The following MBP variants were observed in gnomAD, a reference collection of about 807,000 sequenced individuals.
MBP encodes myelin basic protein.
Under a neutral mutation model 35.8 loss-of-function variants are expected in MBP, and 16 were observed. That is an observed-to-expected ratio of 0.45 (90% confidence interval 0.30 to 0.68). MBP has a LOEUF of 0.68. Ranked by LOEUF, MBP falls within the 30% of genes least tolerant of loss-of-function variation. The pLI is 0.08. For missense variants in MBP, 380 were observed against 404.7 expected (o/e 0.94, Z 0.52); for synonymous variants, 143 against 159.6 (o/e 0.90, Z 0.78).
chr18:77,052,652 T>C (rs1231558901), intron 3 of MBP, among the ~76,000 whole-genome samples: 2 of 152,188 alleles, frequency 1.3e-5, no homozygotes, highest in African/African-American at 4.8e-5. Context: ...GCTCACTGTA[T>C]ATCCCGGCAA....
intron 2 of MBP, among the ~76,000 whole-genome samples, chr18:77,084,465 A>ACG (rs1568331836): frequency 2.7e-5 from 4 of 149,080 alleles, no homozygotes; most frequent in African/African-American, 9.9e-5. Flanking sequence ...ACACACACAC[A>ACG]CACACACTTC....
intron 3 of MBP, among the ~76,000 whole-genome samples, chr18:77,037,208 G>A (rs1972811510): frequency 6.7e-6 from 1 of 149,850 alleles, no homozygotes; most frequent in South Asian, 2.1e-4. Context: ...ACAGAGCTGA[G>A]CAAGTGCTGG....
At chr18:77,016,078 T>A (rs1045624412) in intron 4 of MBP, 6 of 985,124 alleles carry the variant, frequency 6.1e-6, no homozygotes, top group South Asian at 9.4e-5. Flanking sequence ...AGCGCTTTGA[T>A]GAACCAGCAG....
At chr18:77,052,832 C>T (rs1200939747) in intron 3 of MBP, among the ~76,000 whole-genome samples, 1 of 152,298 alleles carries the variant, frequency 6.6e-6, no homozygotes, top group Admixed American at 6.5e-5. Flanking sequence ...CCACTCCTCT[C>T]CACTCAGCAG....
At chr18:77,071,675 C>A (rs1289710865) in intron 2 of MBP, among the ~76,000 whole-genome samples, 2 of 152,138 alleles carry the variant, frequency 1.3e-5, no homozygotes, top group Admixed American at 6.5e-5. Context: ...CAGTACCTTG[C>A]CACTCACCCA....
chr18:77,059,511 AATT>A (rs201892435), intron 3 of MBP, among the ~76,000 whole-genome samples: 5,870 of 147,636 alleles, frequency 0.04, 159 homozygotes, highest in Middle Eastern at 0.06. Context: ...TAATGATAAT[AATT>A]TAACCTTAAT....
intron 7 of MBP, chr18:76,985,480 C>G (rs1182477154): frequency 8.4e-7 from 1 of 1,185,304 alleles, no homozygotes; most frequent in Non-Finnish European, 1.1e-6. Context: ...AGCCTCGTAT[C>G]TTTTATAAGG....
Position 77,055,990 on chromosome 18 carries a change from C to T in MBP, c.139+10308G>A, listed in dbSNP as rs529204359. Among the ~76,000 whole-genome samples, 78 of 152,382 alleles carry T rather than the reference C, an allele frequency of 5.1e-4. 1 individual carries two copies. The highest frequency in any genetic ancestry group is 3.4e-4 in the Non-Finnish European group (23 of 68,044). On this transcript the variant is annotated intron_variant, in intron 3 of 8. Coordinates refer to ENST00000355994, the MANE Select transcript of MBP (RefSeq NM_001025101.2). ...CTCCCCCTCCCCGACTCCTCTTACA[C>T]ATCCCTGTGGCTCTGTGGTGTCACG...
intron 4 of MBP, among the ~76,000 whole-genome samples, chr18:76,991,553 T>C (rs1349504394): frequency 6.6e-6 from 1 of 151,940 alleles, no homozygotes; most frequent in African/African-American, 2.4e-5. Context: ...TGATTGTGAG[T>C]TCTCAGAAAA....
rs1969686703 is a variant in MBP at position 76,988,371 on chromosome 18, A to C, written c.750+124T>G. 2 of 1,612,920 alleles carry C rather than the reference A, an allele frequency of 1.2e-6. No individual in the cohort carries two copies. Among genetic ancestry groups the C allele is most frequent in the East Asian group, 4.5e-5 (2 of 44,838 alleles). On this transcript the variant is annotated intron_variant, in intron 7 of 8. Coordinates refer to ENST00000355994, the MANE Select transcript of MBP (RefSeq NM_001025101.2). This position sits in a 1 kb window ranked among gnomAD's most constrained non-coding sequence, Gnocchi z 5.2. ...GCGGCCCGATCCCAGCTGTGGGCAG[A>C]GAGGTCTCGAGAGGAGAGAAAAGGA...
At chr18:77,029,793 AACACAC>A (rs754016352) in intron 3 of MBP, among the ~76,000 whole-genome samples, 1 of 150,424 alleles carries the variant, frequency 6.6e-6, no homozygotes, top group Non-Finnish European at 1.5e-5. Flanking sequence ...CACACACACA[AACACAC>A]ACACACACAC....
intron 2 of MBP, among the ~76,000 whole-genome samples, chr18:77,073,938 A>G (rs1337139220): frequency 6.7e-6 from 1 of 148,244 alleles, no homozygotes; most frequent in Non-Finnish European, 1.5e-5. Context: ...ATCGGAAACG[A>G]AATGAGATAG....
intron 2 of MBP, among the ~76,000 whole-genome samples, chr18:77,073,153 G>A (rs1974517527): frequency 6.6e-6 from 1 of 152,220 alleles, no homozygotes; most frequent in Non-Finnish European, 1.5e-5. Context: ...ATATCAGGTA[G>A]AGGTTAACTG....
intron 1 of MBP, among the ~76,000 whole-genome samples, chr18:77,125,148 C>T (rs995849548): frequency 4.6e-5 from 7 of 152,186 alleles, no homozygotes; most frequent in South Asian, 2.1e-4. Flanking sequence ...TCCTCTCCTT[C>T]GCCTTCCTTG....
At chr18:77,071,365 G>A (rs1373127096) in intron 2 of MBP, among the ~76,000 whole-genome samples, 2 of 151,816 alleles carry the variant, frequency 1.3e-5, no homozygotes, top group Non-Finnish European at 2.9e-5. Flanking sequence ...CTTAAAAAAT[G>A]CTGCATTTCC....
intron 3 of MBP, among the ~76,000 whole-genome samples, chr18:77,063,447 C>T (rs1974067597): frequency 6.6e-6 from 1 of 152,178 alleles, no homozygotes; most frequent in Admixed American, 6.5e-5. Flanking sequence ...CCACTTCCCC[C>T]TTGGTTTTGA....
At chr18:76,996,102 A>G (rs1970252615) in intron 4 of MBP, among the ~76,000 whole-genome samples, 1 of 152,224 alleles carries the variant, frequency 6.6e-6, no homozygotes, top group Admixed American at 6.5e-5. Context: ...CAGCATCATC[A>G]TTAGCATCAG....
intron 3 of MBP, among the ~76,000 whole-genome samples, chr18:77,057,040 G>A (rs8091396): frequency 0.096 from 14,670 of 152,186 alleles, 992 homozygotes; most frequent in African/African-American, 0.19. Context: ...CGGGAAGGAG[G>A]CATGTCCCCC....
intron 2 of MBP, among the ~76,000 whole-genome samples, chr18:77,103,565 C>T (rs1382623304): frequency 1.3e-5 from 2 of 152,228 alleles, no homozygotes; most frequent in Non-Finnish European, 2.9e-5. Context: ...TTCATAATCT[C>T]TTCCCTCTCC....
Sources: gnomAD v4.1 joint callset for allele counts (sites outside exome capture counted in the v4.1 genomes callset) on GRCh38, gnomAD v4.1.1 for gene constraint, Gnocchi (gnomAD v3.1) non-coding constraint, MANE v1.5 for transcripts, NCBI Gene and HGNC (gene_info 2026-07-23, HGNC 2026-07-21) for gene names.